Variants in C9orf85 observed in about 807,000 individuals in gnomAD.
C9orf85 encodes the protein uncharacterized protein C9orf85.
Under a neutral mutation model 14.9 loss-of-function variants are expected in C9orf85, and 16 were observed. That is an observed-to-expected ratio of 1.08 (90% CI 0.73 to 1.63). The LOEUF is 1.63. C9orf85 is among the 40% of genes most tolerant of loss of function. The pLI, the probability that C9orf85 is intolerant of heterozygous loss-of-function variation, is 0.00. For missense variants in C9orf85, 172 were observed against 186.1 expected, an observed-to-expected ratio of 0.92 and a Z score of 0.44; for synonymous variants, 45 against 56.8, an observed-to-expected ratio of 0.79 and a Z score of 0.93.
At chr9:71,932,232 ACACT>A (rs1490234925) in intron 1 of C9orf85, among the ~76,000 whole-genome samples, 1 of 152,288 alleles carries the variant, frequency 6.6e-6, no homozygotes, top group African/African-American at 2.4e-5. Flanking sequence ...CAGTTTGTAC[ACACT>A]CAGTTTGCCT....
chr9:71,972,776 A>C lies in C9orf85; in HGVS notation c.408A>C (p.Glu136Asp). The part of the protein sequence containing the change: ...NHRRSCRRNE[E>D]SDDDLDFDID... ...GAAGAAGCTGCAGAAGAAATGAAGA[A>C]AGTGATGATGATTTAGATTTTGATA... The change falls in exon 4 of 4, where the codon GAA (glutamate) becomes GAC (aspartate). Residue 136 changes from glutamate to aspartate, a missense_variant. Coordinates refer to ENST00000334731, the MANE Select transcript of C9orf85 (RefSeq NM_182505.5). The C allele has an allele frequency of 6.2e-7, 1 of 1,610,806 alleles. No individual in the cohort carries two copies. The highest frequency in any genetic ancestry group is 1.7e-5 in the Admixed American group (1 of 59,978).
At position 71,911,687 on chromosome 9, in the gene C9orf85, C is replaced by T. The variant is rs753078098; in HGVS notation, c.-48C>T. 2.9e-5 allele frequency: 44 copies of T among 1,526,762 alleles called. No homozygotes were observed. Among genetic ancestry groups the T allele is most frequent in the Non-Finnish European group, 3.5e-5 (38 of 1,100,590 alleles). The allele number at this position is 1,526,762 out of a possible 1,614,324, so 94.6% of individuals were successfully genotyped here. A position where few individuals can be genotyped will look rare whatever the true frequency, so the allele number is the denominator to read the frequency against. On this transcript the variant is annotated 5_prime_UTR_variant, in exon 1 of 4. Coordinates refer to ENST00000334731, the MANE Select transcript of C9orf85 (RefSeq NM_182505.5). ...GGAGTAGTTCGTTGGTTTTCTTTCC[C>T]CTCATCCTTTTGCCTGCTCCCGGCG...
downstream of C9orf85, among the ~76,000 whole-genome samples, chr9:71,974,149 A>G (rs1374123959): frequency 6.9e-6 from 1 of 145,824 alleles, no homozygotes; most frequent in Non-Finnish European, 1.5e-5. Flanking sequence ...CTGGTCTTGA[A>G]CTCCTGACCT....
intron 3 of C9orf85, among the ~76,000 whole-genome samples, chr9:71,979,620 T>C (rs1273230464): frequency 6.6e-6 from 1 of 152,234 alleles, no homozygotes. Flanking sequence ...TGTTGAGTTA[T>C]AGACCCTTAA....
At chr9:71,965,156 A>G (rs1170798252) in intron 2 of C9orf85, among the ~76,000 whole-genome samples, 1 of 152,210 alleles carries the variant, frequency 6.6e-6, no homozygotes, top group Non-Finnish European at 1.5e-5. Flanking sequence ...ATACAAAGGT[A>G]GGGGACCCAA....
chr9:71,938,565 T>C (rs1322483922), intron 1 of C9orf85, among the ~76,000 whole-genome samples: 1 of 151,994 alleles, frequency 6.6e-6, no homozygotes, highest in Non-Finnish European at 1.5e-5. Context: ...TGAACTATTT[T>C]TTTCTCTTAT....
At chr9:71,916,119 G>C (rs564755401) in intron 1 of C9orf85, among the ~76,000 whole-genome samples, 1 of 152,264 alleles carries the variant, frequency 6.6e-6, no homozygotes, top group African/African-American at 2.4e-5. Flanking sequence ...TACTACAGCA[G>C]TAAGAGCTAT....
At chr9:71,952,061 AT>A (rs1419074682) in intron 2 of C9orf85, among the ~76,000 whole-genome samples, 4 of 152,146 alleles carry the variant, frequency 2.6e-5, no homozygotes, top group African/African-American at 9.7e-5. Flanking sequence ...GCCAGATGAA[AT>A]TAGTTATTTT....
intron 2 of C9orf85, among the ~76,000 whole-genome samples, chr9:71,949,923 G>T (rs999586679): frequency 2.0e-5 from 3 of 152,116 alleles, no homozygotes. Context: ...CTTCAGGGGT[G>T]GATCAGAGAG....
chr9:71,976,522 C>T (rs1030637076), downstream of C9orf85, among the ~76,000 whole-genome samples: 7 of 151,912 alleles, frequency 4.6e-5, no homozygotes, highest in African/African-American at 7.3e-5. Context: ...ATTAGCCGGG[C>T]GTGGTGGCGG....
At chr9:71,912,317 T>C (rs994922888) in intron 1 of C9orf85, among the ~76,000 whole-genome samples, 2 of 152,214 alleles carry the variant, frequency 1.3e-5, no homozygotes, top group African/African-American at 4.8e-5. Flanking sequence ...TTTGTAACAA[T>C]TGTTTTGAAG....
chr9:71,918,332 AAAC>A (rs1215433253), intron 1 of C9orf85: 3 of 679,006 alleles, frequency 4.4e-6, no homozygotes, highest in Non-Finnish European at 4.4e-6. Flanking sequence ...TCAGAAATAA[AAAC>A]AAGTTAACAT....
At chr9:71,915,179 TATTA>T (rs934690161) in intron 1 of C9orf85, among the ~76,000 whole-genome samples, 12 of 14,292 alleles carry the variant, frequency 8.4e-4, no homozygotes, top group African/African-American at 1.0e-3. Context: ...AAATTATTAT[TATTA>T]TTTTTTTTTT....
downstream of C9orf85, among the ~76,000 whole-genome samples, chr9:71,978,405 C>A (rs1262311910): frequency 6.6e-6 from 1 of 152,138 alleles, no homozygotes; most frequent in African/African-American, 2.4e-5. Context: ...CCACTGCGCC[C>A]GGTCACTTTT....
At chr9:71,971,466 A>G (rs754817044) in intron 2 of C9orf85, 39 bp from the exon 3 acceptor site, 59 of 1,228,938 alleles carry the variant, frequency 4.8e-5, no homozygotes, top group Non-Finnish European at 6.2e-5. Flanking sequence ...TAAGTCTGAA[A>G]TAAACATAAA....
chr9:71,930,361 C>A (rs1224034668), intron 1 of C9orf85, among the ~76,000 whole-genome samples: 1 of 152,100 alleles, frequency 6.6e-6, no homozygotes, highest in East Asian at 1.9e-4. Flanking sequence ...CTTTAATTTT[C>A]ATGTGGATAT....
In C9orf85 at chr9:71,954,496, G is replaced by T. The variant is rs376795425; in HGVS notation, c.209+7384G>T. On this transcript the variant is annotated intron_variant, in intron 2 of 3. Transcript: ENST00000334731. Reference sequence around the variant, plus strand: ...CACAGACAGAGCAGAGCCGAGGGCTGCTGGTTGCCCATTTTTATGGTTATT... The same window carrying T: ...CACAGACAGAGCAGAGCCGAGGGCTTCTGGTTGCCCATTTTTATGGTTATT... Among the ~76,000 whole-genome samples, 4 of 152,318 alleles carry T rather than the reference G, an allele frequency of 2.6e-5. No individual in the cohort carries two copies. In the East Asian group the frequency reaches 7.7e-4, roughly 29 times the overall value.
At chr9:71,952,259 A>G (rs901887461) in intron 2 of C9orf85, among the ~76,000 whole-genome samples, 1 of 152,226 alleles carries the variant, frequency 6.6e-6, no homozygotes, top group African/African-American at 2.4e-5. Context: ...CTAATGCTTC[A>G]TTAATTTTTA....
chr9:71,931,905 A>G (rs767790232), intron 1 of C9orf85, among the ~76,000 whole-genome samples: 21 of 152,182 alleles, frequency 1.4e-4, no homozygotes, highest in Non-Finnish European at 2.1e-4. Flanking sequence ...TTCTCTAGAA[A>G]TGTCGGTTTG....
Sources: allele counts gnomAD v4.1 joint callset (sites outside exome capture counted in the v4.1 genomes callset), GRCh38; gene constraint gnomAD v4.1.1; transcripts MANE v1.5; gene names NCBI Gene and HGNC (gene_info 2026-07-23, HGNC 2026-07-21).